Variants in MTMR14 observed in about 807,000 individuals in gnomAD.
The protein encoded by MTMR14 is myotubularin related protein 14.
A neutral mutation model predicts 86.3 loss-of-function variants in MTMR14; 48 were observed. The ratio of observed to expected loss-of-function variants is 0.56; its 90% CI spans 0.44 to 0.71. The LOEUF (loss-of-function observed/expected upper bound fraction) is 0.71, where lower values mean the gene tolerates loss of function less well. Ranked by LOEUF, MTMR14 falls within the 30% of genes least tolerant of loss-of-function variation. The pLI, the probability that MTMR14 is intolerant of heterozygous loss-of-function variation, is 0.00. For synonymous variants in MTMR14, 366 were observed against 326.1 expected, an observed-to-expected ratio of 1.12 and a Z score of -1.32; for missense variants, 780 against 834.6, an observed-to-expected ratio of 0.93 and a Z score of 0.81.
intron 7 of MTMR14, among the ~76,000 whole-genome samples, chr3:9,673,498 ATGT>A (rs1157618065): frequency 2.6e-5 from 4 of 152,344 alleles, no homozygotes; most frequent in South Asian, 2.1e-4. Flanking sequence ...TCAGTGCAAG[ATGT>A]TGTCAGCAGA....
rs1469257243 is a variant in MTMR14 at position 9,684,868 on chromosome 3, T to G, written c.1051-20T>G. On this transcript the variant is annotated intron_variant, in intron 11 of 18. Coordinates refer to ENST00000296003, the MANE Select transcript of MTMR14 (RefSeq NM_001077525.3). Reference sequence around the variant, plus strand: ...GGGATGAGAAGAGGGCTCTGTCACATCTCCTGTGGTCTCTTCCAGGATGGG... The same window carrying G: ...GGGATGAGAAGAGGGCTCTGTCACAGCTCCTGTGGTCTCTTCCAGGATGGG... The G allele has an allele frequency of 1.2e-6, 2 of 1,613,062 alleles. No homozygotes were observed. The highest frequency in any genetic ancestry group is 1.3e-5 in the African/African-American group (1 of 74,868).
At chr3:9,652,302 C>G (rs1034457615) in intron 1 of MTMR14, among the ~76,000 whole-genome samples, 1 of 152,176 alleles carries the variant, frequency 6.6e-6, no homozygotes, top group African/African-American at 2.4e-5. Flanking sequence ...GTTCTTATGC[C>G]TTTTTTCTGT....
At chr3:9,659,327 C>T (rs1179731273) in intron 2 of MTMR14, among the ~76,000 whole-genome samples, 1 of 152,060 alleles carries the variant, frequency 6.6e-6, no homozygotes, top group Non-Finnish European at 1.5e-5. Flanking sequence ...TTCATCCCTT[C>T]GAATGTGAGT....
chr3:9,671,508 A>G (rs1464772892), intron 6 of MTMR14, among the ~76,000 whole-genome samples: 1 of 151,926 alleles, frequency 6.6e-6, no homozygotes, highest in Non-Finnish European at 1.5e-5. Flanking sequence ...GCAGATTAGA[A>G]TCTCTTAATT....
At chr3:9,661,789 C>CT (rs1036204007) in intron 2 of MTMR14, among the ~76,000 whole-genome samples, 96 of 147,242 alleles carry the variant, frequency 6.5e-4, no homozygotes, top group Non-Finnish European at 1.1e-3. Context: ...ATAATTAGCA[C>CT]TTTTTTTTTT....
intron 17 of MTMR14, among the ~76,000 whole-genome samples, chr3:9,695,944 A>G (rs1488273363): frequency 6.6e-6 from 1 of 152,180 alleles, no homozygotes; most frequent in Non-Finnish European, 1.5e-5. Context: ...CCTGAGCCCA[A>G]GTTTCTCCAT....
Position 9,697,866 on chromosome 3 carries a change from TGTAA to T in MTMR14, c.1769+3_1769+6del, listed in dbSNP as rs746012264. 4 of 1,614,054 alleles carry T rather than the reference TGTAA, an allele frequency of 2.5e-6. No homozygotes were observed. Among genetic ancestry groups the T allele is most frequent in the East Asian group, 2.2e-5 (1 of 44,894 alleles). On this transcript the variant is annotated splice_donor_variant and splice_donor_region_variant and intron_variant, in intron 18 of 18. Transcript: ENST00000296003. LOFTEE classifies it high-confidence loss of function. ...CCGGATGAGCTCCCTAACAGTTGTCTGTAAGTGTCTTGCTTGAGAAGGCAGGATG... is the reference window on the plus strand; with the variant it reads ...CCGGATGAGCTCCCTAACAGTTGTCTGTGTCTTGCTTGAGAAGGCAGGATG...
At chr3:9,697,633 T>C in intron 17 of MTMR14, 78 bp from the exon 18 acceptor site, 10 of 1,510,508 alleles carry the variant, frequency 6.6e-6, no homozygotes, top group Non-Finnish European at 8.1e-6. Context: ...GCTGCGCTAG[T>C]CCCCTAGCCC....
At chr3:9,663,501 CTTTTTTTTTT>C (rs4021721) in intron 3 of MTMR14, among the ~76,000 whole-genome samples, 5 of 69,964 alleles carry the variant, frequency 7.1e-5, no homozygotes, top group Non-Finnish European at 1.2e-4. Flanking sequence ...GAGTCTCTCT[CTTTTTTTTTT>C]TTTTTTTTTT....
chr3:9,672,085 T>C (rs1181720076), intron 6 of MTMR14, among the ~76,000 whole-genome samples: 1 of 152,192 alleles, frequency 6.6e-6, no homozygotes, highest in Non-Finnish European at 1.5e-5. Flanking sequence ...ATTATTTGGC[T>C]CTCATCTCAT....
chr3:9,684,635 C>T lies in MTMR14; in HGVS notation c.1015C>T (p.Leu339Phe), dbSNP rs758059701. Residue 339 changes from leucine (L) to phenylalanine (F), a missense_variant, in exon 11 of 19, where the codon CTC (leucine) becomes TTC (phenylalanine). By Grantham distance (22) the Leu-to-Phe change is conservative (BLOSUM62 0). Transcript: ENST00000296003. Reference sequence around the variant, plus strand: ...TATCTCAGGCTGGGATCGGACCCCCCTCTTCATCTCCCTCCTGCGCCTTTC... The same window carrying T: ...TATCTCAGGCTGGGATCGGACCCCCTTCTTCATCTCCCTCCTGCGCCTTTC... Reference protein sequence around the residue: ...HCISGWDRTPLFISLLRLSLW... With the variant: ...HCISGWDRTPFFISLLRLSLW... 7 of 1,614,202 alleles carry T rather than the reference C, an allele frequency of 4.3e-6. No homozygotes were observed. Among genetic ancestry groups the T allele is most frequent in the Non-Finnish European group, 1.7e-6 (2 of 1,180,040 alleles).
In MTMR14 at chr3:9,677,139, T is replaced by C. The variant is rs2075610246; in HGVS notation, c.752-178T>C. ...AGGAAACCAGAGGGGCTCTAGAGGC[T>C]CGCCCCTGGCTTTTGCCCACCCGTG... On this transcript the variant is annotated intron_variant, in intron 7 of 18. Transcript: ENST00000296003. The surrounding 1 kb of genome is among the most constrained non-coding windows in gnomAD (Gnocchi z 4.2). 6.6e-6 allele frequency among the ~76,000 whole-genome samples: 1 copy of C among 152,230 alleles called. No homozygotes were observed. Among genetic ancestry groups the C allele is most frequent in the Non-Finnish European group, 1.5e-5 (1 of 68,042 alleles).
chr3:9,679,841 C>T (rs1289274267), intron 9 of MTMR14, among the ~76,000 whole-genome samples: 3 of 152,204 alleles, frequency 2.0e-5, no homozygotes, highest in Admixed American at 6.5e-5. Context: ...AACTTCCAGG[C>T]GTGAAGGCAG....
At chr3:9,676,371 C>G (rs1048347800) in intron 7 of MTMR14, among the ~76,000 whole-genome samples, 1 of 152,216 alleles carries the variant, frequency 6.6e-6, no homozygotes, top group Non-Finnish European at 1.5e-5. Flanking sequence ...GGCCACAGCC[C>G]GGGGGGCAAG....
At chr3:9,659,780 A>G in intron 2 of MTMR14, 1 of 456,770 alleles carries the variant, frequency 2.2e-6, no homozygotes, top group South Asian at 1.5e-5. Flanking sequence ...GAACCGGTAA[A>G]GGAACCACTG....
chr3:9,689,008 C>G lies in MTMR14; in HGVS notation c.1359C>G (p.Ser453=). The change falls in exon 16 of 19, where the codon TCC becomes TCG. Residue 453 remains serine (S), a synonymous_variant. Coordinates refer to ENST00000296003, the MANE Select transcript of MTMR14 (RefSeq NM_001077525.3). Reference sequence around the variant, plus strand: ...ACTTCTCCCTGGTCATGGAGAGTTCCCCAGGAGCCACTGGGAGCTTCACCT... The same window carrying G: ...ACTTCTCCCTGGTCATGGAGAGTTCGCCAGGAGCCACTGGGAGCTTCACCT... ...GSDFSLVMES[S]PGATGSFTYE... is the part of the protein sequence containing the mutation. 1 of 1,613,964 alleles carries G rather than the reference C, an allele frequency of 6.2e-7. No homozygotes were observed. Among genetic ancestry groups the G allele is most frequent in the Non-Finnish European group, 8.5e-7 (1 of 1,180,028 alleles).
intron 1 of MTMR14, among the ~76,000 whole-genome samples, chr3:9,652,580 T>C (rs962251642): frequency 7.2e-5 from 11 of 151,884 alleles, no homozygotes; most frequent in Admixed American, 7.2e-4. Flanking sequence ...GAACCCCATC[T>C]CTATTAAAAA....
chr3:9,690,675 C>T (rs1397447421), intron 17 of MTMR14, among the ~76,000 whole-genome samples: 1 of 152,186 alleles, frequency 6.6e-6, no homozygotes, highest in Non-Finnish European at 1.5e-5. Flanking sequence ...AATGGTGCCT[C>T]CTGGGTGAGT....
chr3:9,656,662 G>A (rs1004744584), intron 2 of MTMR14, among the ~76,000 whole-genome samples: 4 of 152,076 alleles, frequency 2.6e-5, no homozygotes, highest in South Asian at 2.1e-4. Context: ...CAAACAATCC[G>A]CCTGCCATGG....
Sources: gnomAD v4.1 joint callset for allele counts (sites outside exome capture counted in the v4.1 genomes callset) on GRCh38, gnomAD v4.1.1 for gene constraint, Gnocchi (gnomAD v3.1) non-coding constraint, MANE v1.5 for transcripts, NCBI Gene and HGNC (gene_info 2026-07-23, HGNC 2026-07-21) for gene names.